Variants in GRIK3 observed in about 807,000 individuals in gnomAD.
GRIK3 encodes the protein glutamate ionotropic receptor kainate type subunit 3.
GRIK3 carries 29 observed loss-of-function variants against 102.5 expected under a neutral mutation model. That is an observed-to-expected ratio of 0.28 (90% CI 0.21 to 0.39). The LOEUF (loss-of-function observed/expected upper bound fraction) is 0.39. GRIK3 is among the 10% of genes least tolerant of loss of function. The probability of loss-of-function intolerance (pLI) is 1.00; values close to 1 mark genes in which losing one functional copy is unlikely to be tolerated. For synonymous variants in GRIK3, 511 were observed against 504.9 expected, an observed-to-expected ratio of 1.01 and a Z score of -0.16; for missense variants, 908 against 1,252.4, an observed-to-expected ratio of 0.73 and a Z score of 4.15.
intron 1 of GRIK3, among the ~76,000 whole-genome samples, chr1:37,032,675 T>C (rs994492798): frequency 2.0e-5 from 3 of 152,200 alleles, no homozygotes; most frequent in Non-Finnish European, 4.4e-5. Flanking sequence ...CCTCCGGTGC[T>C]GGTGTTTGCC....
At chr1:36,822,497 G>A (rs1404096508) in intron 11 of GRIK3, among the ~76,000 whole-genome samples, 1 of 152,232 alleles carries the variant, frequency 6.6e-6, no homozygotes, top group African/African-American at 2.4e-5. Flanking sequence ...GATGGTCGCA[G>A]GACGAGGAGG....
rs987197900 is a variant in GRIK3 at position 36,800,919 on chromosome 1, G to A, written c.*932C>T. The A allele has an allele frequency of 1.3e-5, 2 of 152,216 alleles. No individual in the cohort carries two copies. Among genetic ancestry groups the A allele is most frequent in the Non-Finnish European group, 2.9e-5 (2 of 68,044 alleles). The allele number at this position is 152,216 out of a possible 1,614,324, so 9.4% of individuals were successfully genotyped here. ...GCCCAGGTTTCCAAATGTGAACAGG[G>A]TTTAGACAACAGCTTGCTAACCAGG... On this transcript the variant is annotated 3_prime_UTR_variant, in exon 16 of 16. Transcript: ENST00000373091.
intron 1 of GRIK3, among the ~76,000 whole-genome samples, chr1:36,894,846 C>T (rs1370225343): frequency 6.6e-6 from 1 of 152,196 alleles, no homozygotes; most frequent in African/African-American, 2.4e-5. Flanking sequence ...CCATGTGCTT[C>T]TGGCAGTGGA....
At chr1:37,009,848 G>A (rs1019946895) in intron 1 of GRIK3, among the ~76,000 whole-genome samples, 19 of 152,142 alleles carry the variant, frequency 1.2e-4, no homozygotes, top group Non-Finnish European at 7.3e-5. Context: ...GGCTGACAGC[G>A]ACAGTCCTGA....
intron 1 of GRIK3, among the ~76,000 whole-genome samples, chr1:36,991,412 C>A (rs1642362100): frequency 6.6e-6 from 1 of 152,358 alleles, no homozygotes; most frequent in East Asian, 1.9e-4. Context: ...GCAGCCTCAA[C>A]CACAGAGTAG....
intron 1 of GRIK3, among the ~76,000 whole-genome samples, chr1:36,942,878 C>A (rs1231656564): frequency 6.6e-6 from 1 of 152,104 alleles, no homozygotes; most frequent in Non-Finnish European, 1.5e-5. Context: ...AAGTGGGGGA[C>A]CACTCTCCTG....
chr1:36,966,028 G>A (rs958751046), intron 1 of GRIK3, among the ~76,000 whole-genome samples: 5 of 152,144 alleles, frequency 3.3e-5, no homozygotes, highest in Non-Finnish European at 5.9e-5. Context: ...GTGCTGAGAC[G>A]GCACTTCTTA....
chr1:36,896,689 G>T (rs754461028), intron 1 of GRIK3, among the ~76,000 whole-genome samples: 1 of 152,028 alleles, frequency 6.6e-6, no homozygotes, highest in Non-Finnish European at 1.5e-5. Flanking sequence ...AACATCAAAG[G>T]TCTAAATGCA....
At chr1:36,905,789 C>G (rs1641278651) in intron 1 of GRIK3, among the ~76,000 whole-genome samples, 1 of 151,928 alleles carries the variant, frequency 6.6e-6, no homozygotes, top group Non-Finnish European at 1.5e-5. Context: ...AATGTGAAAA[C>G]AAACACACAA....
chr1:36,922,370 C>T (rs1462945380), intron 1 of GRIK3, among the ~76,000 whole-genome samples: 1 of 152,212 alleles, frequency 6.6e-6, no homozygotes, highest in South Asian at 2.1e-4. Flanking sequence ...TAAGCAGCAT[C>T]CCCAAGCTCC....
chr1:36,981,684 C>T (rs551059646), intron 1 of GRIK3, among the ~76,000 whole-genome samples: 39 of 51,374 alleles, frequency 7.6e-4, no homozygotes, highest in African/African-American at 2.6e-3. Flanking sequence ...GGGCCAGGGT[C>T]GGGGGAGGGG....
intron 1 of GRIK3, among the ~76,000 whole-genome samples, chr1:36,932,859 C>T (rs1345588660): frequency 1.3e-5 from 2 of 152,136 alleles, no homozygotes; most frequent in Non-Finnish European, 2.9e-5. Context: ...TGTAGTATCT[C>T]CAGCCCAGGG....
chr1:36,909,843 T>C (rs1235505160), intron 1 of GRIK3, among the ~76,000 whole-genome samples: 1 of 152,238 alleles, frequency 6.6e-6, no homozygotes, highest in Non-Finnish European at 1.5e-5. Flanking sequence ...TGTTGTTATA[T>C]GTTTCGGGAA....
At chr1:36,848,587 T>C (rs1430087818) in intron 9 of GRIK3, among the ~76,000 whole-genome samples, 2 of 152,102 alleles carry the variant, frequency 1.3e-5, no homozygotes, top group Non-Finnish European at 2.9e-5. Context: ...CTATCTTTCC[T>C]TTTTATCTCA....
At chr1:36,895,137 G>A (rs1238753180) in intron 1 of GRIK3, among the ~76,000 whole-genome samples, 1 of 152,130 alleles carries the variant, frequency 6.6e-6, no homozygotes, top group Non-Finnish European at 1.5e-5. Context: ...ACTATAGAAT[G>A]CTTCCCCCTC....
rs988563655 is a variant in GRIK3 at position 36,818,083 on chromosome 1, G to C, written c.1874-806C>G. Among the ~76,000 whole-genome samples the C allele has an allele frequency of 2.0e-5, 3 of 152,120 alleles. No homozygotes were observed. In the South Asian group the frequency reaches 6.2e-4, roughly 32 times the overall value. ...GACTCCTGAACTTTCCAGAATATTT[G>C]GACCTGCAATCTGAAAACCGTCTGC... On this transcript the variant is annotated intron_variant, in intron 12 of 15. Coordinates refer to ENST00000373091, the MANE Select transcript of GRIK3 (RefSeq NM_000831.4).
At chr1:36,957,390 T>TC (rs1641924830) in intron 1 of GRIK3, among the ~76,000 whole-genome samples, 1 of 110,562 alleles carries the variant, frequency 9.0e-6, no homozygotes, top group Non-Finnish European at 1.9e-5. Flanking sequence ...CTGTGTGCTC[T>TC]GTGAATCTGT....
At chr1:36,903,645 T>C (rs1229951739) in intron 1 of GRIK3, among the ~76,000 whole-genome samples, 1 of 152,090 alleles carries the variant, frequency 6.6e-6, no homozygotes, top group African/African-American at 2.4e-5. Flanking sequence ...GTAAAAGAAA[T>C]GAGCTATCAA....
chr1:36,865,928 G>A (rs1242377998), intron 5 of GRIK3, among the ~76,000 whole-genome samples: 1 of 152,212 alleles, frequency 6.6e-6, no homozygotes, highest in Non-Finnish European at 1.5e-5. Flanking sequence ...CCCCTAGGCT[G>A]GAGTGCAGCG....
Sources: gnomAD v4.1 joint callset for allele counts (sites outside exome capture counted in the v4.1 genomes callset) on GRCh38, gnomAD v4.1.1 for gene constraint, MANE v1.5 for transcripts, NCBI Gene and HGNC (gene_info 2026-07-23, HGNC 2026-07-21) for gene names.